Variants in SQOR observed in about 807,000 individuals in gnomAD.
SQOR encodes the protein sulfide quinone oxidoreductase.
Under a neutral mutation model 48.6 loss-of-function variants are expected in SQOR, and 39 were observed. That is an observed-to-expected ratio of 0.80 (90% confidence interval 0.62 to 1.05). The LOEUF (loss-of-function observed/expected upper bound fraction) is 1.05, where lower values mean the gene tolerates loss of function less well. SQOR is among the 50% of genes least tolerant of loss of function. SQOR has a pLI of 0.00. For synonymous variants in SQOR, 220 were observed against 206.2 expected (o/e 1.07, Z -0.57); for missense variants, 561 against 559.9 (o/e 1.00, Z -0.02).
intron 1 of SQOR, among the ~76,000 whole-genome samples, chr15:45,645,452 G>A (rs539108786): frequency 2.6e-5 from 4 of 152,312 alleles, no homozygotes; most frequent in South Asian, 2.1e-4. Flanking sequence ...CTGGATGAGA[G>A]TAACATTTGA....
At chr15:45,655,396 A>G (rs1317436735) in intron 1 of SQOR, among the ~76,000 whole-genome samples, 2 of 152,212 alleles carry the variant, frequency 1.3e-5, no homozygotes, top group East Asian at 3.9e-4. Context: ...GACATTTAGA[A>G]AGAAAAGCAG....
intron 9 of SQOR, among the ~76,000 whole-genome samples, chr15:45,690,681 A>T (rs1268865643): frequency 6.6e-6 from 1 of 152,154 alleles, no homozygotes; most frequent in East Asian, 1.9e-4. Flanking sequence ...GTTAATTATG[A>T]GGTAATGAAA....
upstream of SQOR, among the ~76,000 whole-genome samples, chr15:45,633,494 G>A (rs1894935910): frequency 6.6e-6 from 1 of 151,996 alleles, no homozygotes; most frequent in Admixed American, 6.6e-5. Context: ...AGGAGTTCAA[G>A]ACCAGCCTGG....
At chr15:45,671,650 C>T (rs181910789) in intron 4 of SQOR, among the ~76,000 whole-genome samples, 1 of 152,358 alleles carries the variant, frequency 6.6e-6, no homozygotes, top group Admixed American at 6.5e-5. Context: ...GATGAAAATA[C>T]TGAGATGTTT....
At chr15:45,639,064 A>G (rs1460196194) in intron 1 of SQOR, among the ~76,000 whole-genome samples, 1 of 152,162 alleles carries the variant, frequency 6.6e-6, no homozygotes, top group East Asian at 1.9e-4. Context: ...CCAAATGGAC[A>G]ATAGGTTTAA....
intron 9 of SQOR, among the ~76,000 whole-genome samples, chr15:45,689,921 A>C (rs1890291465): frequency 6.6e-6 from 1 of 152,104 alleles, no homozygotes; most frequent in African/African-American, 2.4e-5. Flanking sequence ...TGTTTAATTT[A>C]ATTAAACACT....
chr15:45,657,380 C>T (rs1298278787), intron 1 of SQOR, among the ~76,000 whole-genome samples: 2 of 151,328 alleles, frequency 1.3e-5, no homozygotes, highest in African/African-American at 4.9e-5. Flanking sequence ...GGTTTTTCTT[C>T]TTCAGTATTA....
At chr15:45,673,851 T>G in intron 5 of SQOR, 50 bp downstream of exon 5, 1 of 1,561,802 alleles carries the variant, frequency 6.4e-7, no homozygotes, top group Non-Finnish European at 8.8e-7. Context: ...CAGTGCTAAT[T>G]CACTGATTGC....
chr15:45,634,723 T>G (rs1346122895), upstream of SQOR: 1 of 152,266 alleles, frequency 6.6e-6, no homozygotes, highest in Non-Finnish European at 1.5e-5. Context: ...AAAACGCTGT[T>G]GGCACCCAGG....
intron 9 of SQOR, among the ~76,000 whole-genome samples, chr15:45,690,079 C>CT (rs200956847): frequency 1.2e-4 from 12 of 104,220 alleles, no homozygotes; most frequent in Non-Finnish European, 1.4e-4. Context: ...ATTCCTCTTC[C>CT]TCCTTTTTTT....
chr15:45,659,267 A>G, intron 2 of SQOR, 110 bp downstream of exon 2: 2 of 920,226 alleles, frequency 2.2e-6, no homozygotes, highest in South Asian at 4.4e-5. Flanking sequence ...ATGGGTCTTC[A>G]TATGTTCAGG....
In SQOR at chr15:45,682,598, C is replaced by T. The variant is rs1326603569; in HGVS notation, c.985C>T (p.Pro329Ser). ...DKETLQHRRY[P>S]NVFGIGDCTN... is the part of the protein sequence containing the mutation. Reference sequence around the variant, plus strand: ...AGAAACTCTGCAACACAGGAGGTACCCAAATGTGTTTGGGATTGGGGACTG... The same window carrying T: ...AGAAACTCTGCAACACAGGAGGTACTCAAATGTGTTTGGGATTGGGGACTG... Residue 329 changes from proline (P) to serine (S), a missense_variant, in exon 7 of 10, where the codon CCA becomes TCA. Coordinates refer to ENST00000260324, the MANE Select transcript of SQOR (RefSeq NM_021199.4). The T allele has an allele frequency of 6.2e-7, 1 of 1,614,132 alleles. No individual in the cohort carries two copies. Among genetic ancestry groups the T allele is most frequent in the Non-Finnish European group, 8.5e-7 (1 of 1,180,024 alleles).
At chr15:45,686,937 G>T (rs938593473) in intron 7 of SQOR, among the ~76,000 whole-genome samples, 13 of 152,114 alleles carry the variant, frequency 8.5e-5, no homozygotes, top group African/African-American at 3.1e-4. Flanking sequence ...AGCCTCCTGA[G>T]TAGCTGGAAT....
At chr15:45,641,900 A>C (rs964379081) in intron 1 of SQOR, among the ~76,000 whole-genome samples, 11 of 152,130 alleles carry the variant, frequency 7.2e-5, no homozygotes, top group African/African-American at 2.4e-4. Flanking sequence ...TTGTCGCAAA[A>C]ATGTCAATGT....
At chr15:45,658,484 G>T (rs573684250) in intron 1 of SQOR, among the ~76,000 whole-genome samples, 141 of 152,306 alleles carry the variant, frequency 9.3e-4, no homozygotes, top group African/African-American at 3.3e-3. Context: ...TTGTGGACTC[G>T]TATATCAGTT....
intron 1 of SQOR, among the ~76,000 whole-genome samples, chr15:45,653,791 C>G (rs981104567): frequency 7.2e-5 from 11 of 152,120 alleles, no homozygotes; most frequent in African/African-American, 2.7e-4. Flanking sequence ...GAACTTGGAG[C>G]TGGGAACCAG....
chr15:45,682,845 T>C (rs368888918), intron 7 of SQOR, among the ~76,000 whole-genome samples, 184 bp downstream of exon 7: 12 of 152,046 alleles, frequency 7.9e-5, no homozygotes, highest in African/African-American at 2.7e-4. Context: ...CTGGCCAACA[T>C]GGTGAAACCC....
intron 3 of SQOR, among the ~76,000 whole-genome samples, chr15:45,666,989 C>T (rs144978041): frequency 0.077 from 3,925 of 51,010 alleles, 432 homozygotes; most frequent in East Asian, 0.23. Context: ...CTCTCCTCCC[C>T]TCTCTTTCTT....
chr15:45,650,479 A>G (rs1469950314), intron 1 of SQOR, among the ~76,000 whole-genome samples: 11 of 152,328 alleles, frequency 7.2e-5, no homozygotes, highest in African/African-American at 2.4e-4. Flanking sequence ...CATAAGGGTA[A>G]TGCCAGTGTG....
Sources: allele counts gnomAD v4.1 joint callset (sites outside exome capture counted in the v4.1 genomes callset), GRCh38; gene constraint gnomAD v4.1.1; transcripts MANE v1.5; gene names NCBI Gene and HGNC (gene_info 2026-07-23, HGNC 2026-07-21).